SLCO4C1: variants seen among roughly 807,000 people sequenced by gnomAD.
The protein encoded by SLCO4C1 is organic anion transporter M1.
Under a neutral mutation model 72.1 loss-of-function variants are expected in SLCO4C1, and 58 were observed. That is an observed-to-expected ratio of 0.80 (90% CI 0.65 to 1.00). SLCO4C1 has a LOEUF of 1.00. SLCO4C1 is among the 50% of genes least tolerant of loss of function. SLCO4C1 has a pLI of 0.00. For missense variants in SLCO4C1, 898 were observed against 857.9 expected (o/e 1.05, Z -0.58); for synonymous variants, 297 against 312.5 (o/e 0.95, Z 0.52).
rs146706781 is a variant in SLCO4C1, at chr5:102,263,715, T to C, written c.868A>G (p.Thr290Ala). Residue 290 changes from threonine (T) to alanine (A), a missense_variant, in exon 4 of 13, where the codon ACC (threonine) becomes GCC (alanine). Coordinates refer to ENST00000310954, the MANE Select transcript of SLCO4C1 (RefSeq NM_180991.5). The stretch of plus-strand genomic sequence containing the variant: ...CCCATAGCAACATCAATGTATATGG[T>C]TAGCAGTTGTCCTCCCAATACATAG... Reference protein sequence around the residue: ...IGYVLGGQLLTIYIDVAMGES... With the variant: ...IGYVLGGQLLAIYIDVAMGES... The C allele has an allele frequency of 1.9e-6, 3 of 1,612,822 alleles. No individual in the cohort carries two copies. In the African/African-American group the frequency reaches 4.0e-5, roughly 22 times the overall value.
At chr5:102,290,962 A>G (rs1415706668) in intron 2 of SLCO4C1, among the ~76,000 whole-genome samples, 5 of 151,926 alleles carry the variant, frequency 3.3e-5, no homozygotes, top group African/African-American at 7.2e-5. Flanking sequence ...TTTGTCTCAA[A>G]TCAGGAATCA....
At chr5:102,252,031 G>A (rs917506607) in intron 8 of SLCO4C1, among the ~76,000 whole-genome samples, 8 of 146,804 alleles carry the variant, frequency 5.4e-5, no homozygotes, top group African/African-American at 2.2e-4. Context: ...GGGAGGGAGA[G>A]GGAAGAAGGA....
At chr5:102,255,098 C>CTATTT (rs1347795829) in intron 8 of SLCO4C1, among the ~76,000 whole-genome samples, 1 of 152,094 alleles carries the variant, frequency 6.6e-6, no homozygotes, top group African/African-American at 2.4e-5. Flanking sequence ...TATATACACA[C>CTATTT]ACATACATAA....
rs991026132 is a variant in SLCO4C1, at chr5:102,241,595, GA to G, written c.1812-814del. Reference sequence around the variant, plus strand: ...TAAAACACTGATGAAAGAAATTGAAGAAGCCACAAATAAATGGAAAGCTATC... The same window carrying G: ...TAAAACACTGATGAAAGAAATTGAAGAGCCACAAATAAATGGAAAGCTATC... On this transcript the variant is annotated intron_variant, in intron 10 of 12. Transcript: ENST00000310954. Among the ~76,000 whole-genome samples, 24 of 152,072 alleles carry G rather than the reference GA, an allele frequency of 1.6e-4. No homozygotes were observed. The East Asian group carries it at 4.6e-3, about 29-fold the overall frequency.
intron 3 of SLCO4C1, among the ~76,000 whole-genome samples, chr5:102,264,073 C>G (rs1748991754): frequency 6.6e-6 from 1 of 151,996 alleles, no homozygotes; most frequent in South Asian, 2.1e-4. Context: ...ACCATTTATC[C>G]TTTACTGATA....
Position 102,261,941 on chromosome 5 carries a change from G to A in SLCO4C1, c.992C>T (p.Pro331Leu), listed in dbSNP as rs138441262. 129 of 1,611,470 alleles carry A rather than the reference G, an allele frequency of 8.0e-5. No individual in the cohort carries two copies. The highest frequency in any genetic ancestry group is 1.0e-4 in the Non-Finnish European group (118 of 1,178,738). The change falls in exon 5 of 13, where the codon CCT becomes CTT. Residue 331 changes from proline to leucine, a missense_variant. Transcript: ENST00000310954. ...SWIFAWSLII[P>L]FSCFPKHLPG... The stretch of plus-strand genomic sequence containing the variant: ...TAAATGTTTTGGAAAGCAAGAAAAA[G>A]GTATTATTAAAGACCAAGCAAAGAT...
At chr5:102,248,574 G>A (rs1282483949) in intron 9 of SLCO4C1, among the ~76,000 whole-genome samples, 1 of 152,058 alleles carries the variant, frequency 6.6e-6, no homozygotes, top group African/African-American at 2.4e-5. Context: ...ATTTAGTTAT[G>A]TGACTAAAAC....
intron 9 of SLCO4C1, 86 bp from the exon 10 acceptor site, chr5:102,247,528 C>G: frequency 1.2e-6 from 1 of 841,064 alleles, no homozygotes; most frequent in Non-Finnish European, 1.8e-6. Context: ...ACATGGCAAA[C>G]ACTCTCATAC....
At position 102,247,243 on chromosome 5, in the gene SLCO4C1, G is replaced by A; in HGVS notation, c.1811+9C>T. On this transcript the variant is annotated intron_variant, in intron 10 of 12. Transcript: ENST00000310954. ...TTAGGGAATGAAAATTTCTCAACGT[G>A]CTACATACCTTAGGATAGACACAGT... The A allele has an allele frequency of 6.7e-7, 1 of 1,481,822 alleles. No homozygotes were observed. The highest frequency in any genetic ancestry group is 9.0e-7 in the Non-Finnish European group (1 of 1,104,974). The allele number at this position is 1,481,822 out of a possible 1,614,324, so 91.8% of individuals were successfully genotyped here.
chr5:102,280,829 C>A (rs1749340966), intron 2 of SLCO4C1, among the ~76,000 whole-genome samples: 1 of 152,050 alleles, frequency 6.6e-6, no homozygotes, highest in African/African-American at 2.4e-5. Context: ...CCCACCAGGT[C>A]CCTCCCTTGA....
At chr5:102,290,029 C>T (rs1026629803) in intron 2 of SLCO4C1, among the ~76,000 whole-genome samples, 1 of 152,080 alleles carries the variant, frequency 6.6e-6, no homozygotes, top group Non-Finnish European at 1.5e-5. Flanking sequence ...AAAAGGAACA[C>T]CTGAGGTATT....
intron 2 of SLCO4C1, among the ~76,000 whole-genome samples, chr5:102,289,492 T>C (rs902036125): frequency 1.3e-5 from 2 of 152,172 alleles, no homozygotes; most frequent in East Asian, 3.8e-4. Flanking sequence ...AACTGAAAGG[T>C]TGAGGGCCCA....
chr5:102,278,820 A>G (rs1436532774), intron 2 of SLCO4C1, among the ~76,000 whole-genome samples: 1 of 152,042 alleles, frequency 6.6e-6, no homozygotes, highest in East Asian at 1.9e-4. Context: ...ACAATATATA[A>G]CAATAGTGAA....
chr5:102,275,436 ATAATT>A (rs1226015268), intron 2 of SLCO4C1, among the ~76,000 whole-genome samples: 1 of 152,218 alleles, frequency 6.6e-6, no homozygotes, highest in Non-Finnish European at 1.5e-5. Context: ...ACTTAAATAT[ATAATT>A]TAAAGAAATA....
chr5:102,253,989 G>A (rs544829766), intron 8 of SLCO4C1, among the ~76,000 whole-genome samples: 1 of 151,516 alleles, frequency 6.6e-6, no homozygotes, highest in African/African-American at 2.4e-5. Context: ...TACATTTTTT[G>A]GAAATGCTGT....
intron 12 of SLCO4C1, among the ~76,000 whole-genome samples, chr5:102,238,519 T>C (rs1276346592): frequency 6.6e-6 from 1 of 152,114 alleles, no homozygotes. Context: ...TACATGCATG[T>C]AAGAGTAATA....
rs201733808 is a variant in SLCO4C1, at chr5:102,240,670, G to A, written c.1876+48C>T. Reference sequence around the variant, plus strand: ...AAATTAAAAAATAAATAACACTAATGAACCAAAATAGCCAACAGTTAGCAA... The same window carrying A: ...AAATTAAAAAATAAATAACACTAATAAACCAAAATAGCCAACAGTTAGCAA... On this transcript the variant is annotated intron_variant, in intron 11 of 12. Transcript: ENST00000310954. 4.0e-6 allele frequency: 6 copies of A among 1,496,716 alleles called. No individual in the cohort carries two copies. The East Asian group carries it at 1.1e-4, about 28-fold the overall frequency. The allele number at this position is 1,496,716 out of a possible 1,614,324, so 92.7% of individuals were successfully genotyped here.
chr5:102,288,569 TG>T (rs1331315101), intron 2 of SLCO4C1, among the ~76,000 whole-genome samples: 3 of 152,186 alleles, frequency 2.0e-5, no homozygotes, highest in African/African-American at 7.2e-5. Flanking sequence ...TGCACTTCCC[TG>T]TATAAAACTC....
intron 9 of SLCO4C1, among the ~76,000 whole-genome samples, chr5:102,248,836 T>A (rs1430539214): frequency 1.3e-5 from 2 of 152,160 alleles, no homozygotes; most frequent in Non-Finnish European, 2.9e-5. Flanking sequence ...CCAAGGTTCT[T>A]AAGTTTAGCT....
Sources: allele counts gnomAD v4.1 joint callset (sites outside exome capture counted in the v4.1 genomes callset), GRCh38; gene constraint gnomAD v4.1.1; transcripts MANE v1.5; gene names NCBI Gene and HGNC (gene_info 2026-07-23, HGNC 2026-07-21).